WSCD2: variants seen among roughly 807,000 people sequenced by gnomAD.
WSCD2 encodes WSC domain sialate O sulfotransferase 2.
WSCD2 carries 28 observed loss-of-function variants against 55.7 expected under a neutral mutation model. That is an observed-to-expected ratio of 0.50 (90% confidence interval 0.37 to 0.69). The LOEUF (loss-of-function observed/expected upper bound fraction) is 0.69, where lower values mean the gene tolerates loss of function less well. WSCD2 is among the 30% of genes least tolerant of loss of function. The pLI, the probability that WSCD2 is intolerant of heterozygous loss-of-function variation, is 0.00. For synonymous variants in WSCD2, 301 were observed against 301.9 expected (o/e 1.00, Z 0.03); for missense variants, 616 against 762.1 (o/e 0.81, Z 2.26).
intron 4 of WSCD2, among the ~76,000 whole-genome samples, chr12:108,220,755 C>T (rs1458237192): frequency 6.6e-6 from 1 of 152,118 alleles, no homozygotes; most frequent in Non-Finnish European, 1.5e-5. Flanking sequence ...TCAGTCTGGT[C>T]TCAAATTCCT....
In WSCD2 at chr12:108,173,281, G is replaced by C. The variant is rs187793449; in HGVS notation, c.-551-22001G>C. Among the ~76,000 whole-genome samples the C allele has an allele frequency of 2.1e-3, 327 of 152,334 alleles. 1 individual carries two copies. Among genetic ancestry groups the C allele is most frequent in the African/African-American group, 7.2e-3 (299 of 41,578 alleles). Reference sequence around the variant, plus strand: ...TCCCACCAGCCACCAGCCTGAGCAGGTGCGGAGCCTCAGAGTGGCCCTGCT... The same window carrying C: ...TCCCACCAGCCACCAGCCTGAGCAGCTGCGGAGCCTCAGAGTGGCCCTGCT... On this transcript the variant is annotated intron_variant, in intron 1 of 8. Coordinates refer to ENST00000547525, the MANE Select transcript of WSCD2 (RefSeq NM_014653.4).
At position 108,175,055 on chromosome 12, in the gene WSCD2, C is replaced by T. The variant is rs114679406; in HGVS notation, c.-551-20227C>T. Among the ~76,000 whole-genome samples, 377 of 152,240 alleles carry T rather than the reference C, an allele frequency of 2.5e-3. 1 individual carries two copies. Among genetic ancestry groups the T allele is most frequent in the African/African-American group, 8.3e-3 (343 of 41,546 alleles). ...CTTGGAAGGGAGGGGGACCCTGAGCCGAGCATGCATCAGCTTTCTTTTTAT... is the reference window on the plus strand; with the variant it reads ...CTTGGAAGGGAGGGGGACCCTGAGCTGAGCATGCATCAGCTTTCTTTTTAT... On this transcript the variant is annotated intron_variant, in intron 1 of 8. Transcript: ENST00000547525.
chr12:108,136,067 T>TC (rs1401153773), intron 1 of WSCD2, among the ~76,000 whole-genome samples: 5 of 152,188 alleles, frequency 3.3e-5, no homozygotes, highest in African/African-American at 1.2e-4. Flanking sequence ...TTCGGCTGTA[T>TC]CATTGTGAGT....
In WSCD2 at chr12:108,248,991, G is replaced by GC. The variant is rs1479599673; in HGVS notation, c.*650dup. The GC allele has an allele frequency of 1.1e-6, 1 of 870,326 alleles. No homozygotes were observed. 53.9% of individuals were successfully genotyped at this position (870,326 alleles called of 1,614,324 possible). ...GCCATTGGTGTTATGAGCCCCCCAG[G>GC]CCACACTGCTTCTCAGAAATGAGCT... On this transcript the variant is annotated 3_prime_UTR_variant, in exon 9 of 9. Coordinates refer to ENST00000547525, the MANE Select transcript of WSCD2 (RefSeq NM_014653.4). The surrounding 1 kb of genome is among the most constrained non-coding windows in gnomAD (Gnocchi z 4.3).
chr12:108,241,123 A>G (rs933347899), intron 8 of WSCD2, among the ~76,000 whole-genome samples: 3 of 151,914 alleles, frequency 2.0e-5, no homozygotes, highest in Non-Finnish European at 2.9e-5. Context: ...TTCAATGAAC[A>G]CTCCCAGGAA....
At chr12:108,238,438 A>G (rs546529260) in intron 7 of WSCD2, among the ~76,000 whole-genome samples, 2 of 152,202 alleles carry the variant, frequency 1.3e-5, no homozygotes, top group Non-Finnish European at 2.9e-5. Context: ...ACAGGAGCAG[A>G]TATCAAGCCA....
intron 1 of WSCD2, among the ~76,000 whole-genome samples, chr12:108,175,953 C>T (rs1350503853): frequency 1.3e-5 from 2 of 152,128 alleles, no homozygotes; most frequent in East Asian, 3.9e-4. Flanking sequence ...CATTCTCCTG[C>T]CTCAGCCTCC....
intron 1 of WSCD2, among the ~76,000 whole-genome samples, chr12:108,163,073 G>GT (rs992427827): frequency 2.0e-5 from 3 of 152,194 alleles, no homozygotes; most frequent in African/African-American, 7.2e-5. Context: ...CTAATAAGTG[G>GT]TAGGTCATCA....
At position 108,199,830 on chromosome 12, in the gene WSCD2, G is replaced by A. The variant is rs370069024; in HGVS notation, c.382+3616G>A. Among the ~76,000 whole-genome samples, 8 of 152,282 alleles carry A rather than the reference G, an allele frequency of 5.3e-5. No individual in the cohort carries two copies. In the East Asian group the frequency reaches 9.6e-4, roughly 18 times the overall value. On this transcript the variant is annotated intron_variant, in intron 2 of 8. Coordinates refer to ENST00000547525, the MANE Select transcript of WSCD2 (RefSeq NM_014653.4). ...AGTAAACCAGTATGTGAACCCAGGT[G>A]TTGTGAGTCTTACACCTGAACCTTA...
intron 1 of WSCD2, among the ~76,000 whole-genome samples, chr12:108,178,424 G>A (rs7974372): frequency 0.038 from 5,834 of 152,152 alleles, 321 homozygotes; most frequent in African/African-American, 0.13. Context: ...ACTTTGGCTC[G>A]CTTCTAGGCC....
rs758967642 is a variant in WSCD2 at position 108,196,098 on chromosome 12, A to G, written c.266A>G (p.Tyr89Cys). The change falls in exon 2 of 9, where the codon TAC becomes TGC. Residue 89 changes from tyrosine (Y) to cysteine (C), a missense_variant. Coordinates refer to ENST00000547525, the MANE Select transcript of WSCD2 (RefSeq NM_014653.4). ...GAAGCCTCAAGCATTGCTCGCAGGT[A>G]CGGACCCTGGTTCAAGGGCAAGGAT... ...TGEASSIARR[Y>C]GPWFKGKDGN... 6 of 1,614,140 alleles carry G rather than the reference A, an allele frequency of 3.7e-6. No individual in the cohort carries two copies. The highest frequency in any genetic ancestry group is 5.1e-6 in the Non-Finnish European group (6 of 1,180,024).
chr12:108,168,259 A>G (rs1175204420), intron 1 of WSCD2, among the ~76,000 whole-genome samples: 1 of 152,188 alleles, frequency 6.6e-6, no homozygotes, highest in Non-Finnish European at 1.5e-5. Flanking sequence ...GGGTATGAAG[A>G]AGGAGCAGAA....
At chr12:108,230,452 T>G (rs946321161) in intron 6 of WSCD2, among the ~76,000 whole-genome samples, 2 of 152,206 alleles carry the variant, frequency 1.3e-5, no homozygotes, top group South Asian at 4.1e-4. Context: ...AATCTAACAC[T>G]GCATTCATTC....
intron 1 of WSCD2, among the ~76,000 whole-genome samples, chr12:108,185,584 T>C (rs972719798): frequency 1.3e-5 from 2 of 152,172 alleles, no homozygotes; most frequent in Admixed American, 6.5e-5. Context: ...GTATTTGACA[T>C]TGTGATGCGC....
intron 4 of WSCD2, among the ~76,000 whole-genome samples, chr12:108,220,288 G>A (rs980776143): frequency 6.6e-5 from 10 of 152,162 alleles, no homozygotes; most frequent in Admixed American, 5.2e-4. Context: ...TATATCAAGC[G>A]TTTACACAAT....
intron 1 of WSCD2, among the ~76,000 whole-genome samples, chr12:108,163,025 T>C (rs1879225883): frequency 6.6e-6 from 1 of 152,168 alleles, no homozygotes; most frequent in Admixed American, 6.5e-5. Flanking sequence ...AAACTGGGGC[T>C]TCAAGAGAGG....
At chr12:108,149,322 GTTAAC>G (rs1877723246) in intron 1 of WSCD2, among the ~76,000 whole-genome samples, 1 of 152,186 alleles carries the variant, frequency 6.6e-6, no homozygotes, top group African/African-American at 2.4e-5. Context: ...GAGACTCGAT[GTTAAC>G]TTAATTAAAT....
rs568617137 is a variant in WSCD2, at chr12:108,137,742, T to G, written c.-552+7816T>G. On this transcript the variant is annotated intron_variant, in intron 1 of 8. Coordinates refer to ENST00000547525, the MANE Select transcript of WSCD2 (RefSeq NM_014653.4). ...AGGCAGGAGCAAGGGCAAGGAATAA[T>G]TCATTGAATACAGTATTTGATCCCA... Among the ~76,000 whole-genome samples the G allele has an allele frequency of 3.5e-4, 53 of 152,336 alleles. No individual in the cohort carries two copies. The South Asian group carries it at 0.011, about 31-fold the overall frequency.
At chr12:108,139,459 G>A (rs1240956142) in intron 1 of WSCD2, among the ~76,000 whole-genome samples, 1 of 152,140 alleles carries the variant, frequency 6.6e-6, no homozygotes, top group Admixed American at 6.5e-5. Flanking sequence ...GAGGAGATTA[G>A]GGTCCAGAGT....
Sources: allele counts gnomAD v4.1 joint callset (sites outside exome capture counted in the v4.1 genomes callset), GRCh38; gene constraint gnomAD v4.1.1; non-coding constraint Gnocchi (gnomAD v3.1); transcripts MANE v1.5; gene names NCBI Gene and HGNC (gene_info 2026-07-23, HGNC 2026-07-21).